Variants in VPS13D observed in about 807,000 individuals in gnomAD.
The protein encoded by VPS13D is vacuolar protein sorting 13 homolog D, also known as intermembrane lipid transfer protein VPS13D.
A neutral mutation model predicts 461.9 loss-of-function variants in VPS13D; 187 were observed. The observed-to-expected ratio is 0.40, with a 90% confidence interval of 0.36 to 0.46. VPS13D has a LOEUF of 0.46. Ranked by LOEUF, VPS13D falls within the 20% of genes least tolerant of loss-of-function variation. The pLI, the probability that VPS13D is intolerant of heterozygous loss-of-function variation, is 0.60. For synonymous variants in VPS13D, 1,951 were observed against 1,986.3 expected, an observed-to-expected ratio of 0.98 and a Z score of 0.47; for missense variants, 4,711 against 5,364.9, an observed-to-expected ratio of 0.88 and a Z score of 3.81.
chr1:12,352,965 CAAAAAAAAAAAAAA>C (rs61588046), intron 46 of VPS13D, among the ~76,000 whole-genome samples: 33 of 17,588 alleles, frequency 1.9e-3, no homozygotes, highest in East Asian at 7.0e-3. Context: ...AACTCAGTCT[CAAAAAAAAAAAAAA>C]AAAAAAAAAA....
chr1:12,354,315 T>C lies in VPS13D; in HGVS notation c.9679+94T>C. ...TTATTTGGTAAGCATCTTGGAGAAATTGGGGCACATATAATATCTCAATAA... is the reference window on the plus strand; with the variant it reads ...TTATTTGGTAAGCATCTTGGAGAAACTGGGGCACATATAATATCTCAATAA... On this transcript the variant is annotated intron_variant, in intron 47 of 69. Transcript: ENST00000620676. The C allele has an allele frequency of 2.8e-6, 4 of 1,449,658 alleles. No homozygotes were observed. The South Asian group carries it at 3.9e-5, about 14-fold the overall frequency. 89.8% of individuals were successfully genotyped at this position (1,449,658 alleles called of 1,614,324 possible). A position where few individuals can be genotyped will look rare whatever the true frequency, so the allele number is the denominator to read the frequency against.
intron 2 of VPS13D, among the ~76,000 whole-genome samples, chr1:12,237,362 G>T (rs181833022): frequency 6.8e-6 from 1 of 147,142 alleles, no homozygotes; most frequent in African/African-American, 2.5e-5. Context: ...GTATGGTGGC[G>T]CATGCCTGTG....
chr1:12,302,050 C>T (rs1413565659), intron 25 of VPS13D, among the ~76,000 whole-genome samples: 3 of 152,172 alleles, frequency 2.0e-5, no homozygotes, highest in African/African-American at 7.2e-5. Context: ...GCCTGTTGCT[C>T]CTAGAATACA....
At chr1:12,278,646 A>G (rs1463899015) in intron 19 of VPS13D, among the ~76,000 whole-genome samples, 2 of 152,106 alleles carry the variant, frequency 1.3e-5, no homozygotes, top group Non-Finnish European at 2.9e-5. Flanking sequence ...GCTTCAGTGG[A>G]TGGATGTTGT....
At chr1:12,320,345 G>A (rs1643003520) in intron 32 of VPS13D, among the ~76,000 whole-genome samples, 1 of 152,176 alleles carries the variant, frequency 6.6e-6, no homozygotes, top group African/African-American at 2.4e-5. Context: ...TCAGATGTTT[G>A]TACTTGACTC....
chr1:12,318,528 G>C (rs1642949142), intron 31 of VPS13D, among the ~76,000 whole-genome samples, 191 bp downstream of exon 31: 1 of 152,180 alleles, frequency 6.6e-6, no homozygotes, highest in Non-Finnish European at 1.5e-5. Context: ...GCCCACTGAA[G>C]ACTGCGGGGT....
In VPS13D at chr1:12,505,971, C is replaced by T. The variant is rs1049251065; in HGVS notation, c.12795-882C>T. The stretch of plus-strand genomic sequence containing the variant: ...GTTTCAGAACACTTCCAGGTGGAGC[C>T]TGGCTCTGAGCAATTCAGTTTGCCA... On this transcript the variant is annotated intron_variant, in intron 68 of 69. Transcript: ENST00000620676. This position sits in a 1 kb window ranked among gnomAD's most constrained non-coding sequence, Gnocchi z 4.2. Among the ~76,000 whole-genome samples the T allele has an allele frequency of 6.6e-6, 1 of 152,232 alleles. No individual in the cohort carries two copies. The highest frequency in any genetic ancestry group is 2.1e-4 in the South Asian group (1 of 4,832).
chr1:12,433,430 A>G (rs1051956510), intron 65 of VPS13D, among the ~76,000 whole-genome samples: 1 of 152,154 alleles, frequency 6.6e-6, no homozygotes, highest in African/African-American at 2.4e-5. Flanking sequence ...GAGCCCCGCC[A>G]CAGCTGAAGT....
chr1:12,509,007 C>G lies in VPS13D; in HGVS notation c.13150C>G (p.Leu4384Val), dbSNP rs532432015. ...MLRLSENREQ[L>V]ELDS ...AAGACTCAGCGAAAACCGAGAGCAG[C>G]TGGAGCTGGACTCCTGAAGCCCCGC... Residue 4384 changes from leucine (L) to valine (V), a missense_variant, in exon 70 of 70, where the codon CTG becomes GTG. Leu to Val is a conservative substitution (Grantham distance 32). Coordinates refer to ENST00000620676, the MANE Select transcript of VPS13D (RefSeq NM_015378.4). 12 of 1,614,168 alleles carry G rather than the reference C, an allele frequency of 7.4e-6. No homozygotes were observed. The African/African-American group carries it at 1.6e-4, about 22-fold the overall frequency.
intron 67 of VPS13D, among the ~76,000 whole-genome samples, chr1:12,471,517 T>C (rs2100451557): frequency 6.6e-6 from 1 of 152,318 alleles, no homozygotes; most frequent in East Asian, 1.9e-4. Flanking sequence ...TTTCAACACT[T>C]TGGGCTGTTT....
chr1:12,487,516 C>G (rs1287696843), intron 67 of VPS13D, among the ~76,000 whole-genome samples: 1 of 151,520 alleles, frequency 6.6e-6, no homozygotes, highest in Non-Finnish European at 1.5e-5. Flanking sequence ...GAGGCTGAGG[C>G]AGGAGAATTG....
chr1:12,276,512 T>C lies in VPS13D; in HGVS notation c.2924T>C (p.Ile975Thr). 1 of 1,614,152 alleles carries C rather than the reference T, an allele frequency of 6.2e-7. No individual in the cohort carries two copies. The highest frequency in any genetic ancestry group is 8.5e-7 in the Non-Finnish European group (1 of 1,180,020). The change falls in exon 19 of 70, where the codon ATT (isoleucine) becomes ACT (threonine). Residue 975 changes from isoleucine (I) to threonine (T), a missense_variant. Transcript: ENST00000620676. The surrounding 1 kb of genome is among the most constrained non-coding windows in gnomAD (Gnocchi z 4.5). Reference sequence around the variant, plus strand: ...GGTGTTGAGAGCAATGGCCGGTACATTTCTGTGCTCAAGGTGTTTGGTACC... The same window carrying C: ...GGTGTTGAGAGCAATGGCCGGTACACTTCTGTGCTCAAGGTGTTTGGTACC... ...QLGVESNGRY[I>T]SVLKVFGTNA...
chr1:12,242,688 G>A (rs946442124), intron 3 of VPS13D, 98 bp downstream of exon 3: 2 of 1,082,578 alleles, frequency 1.8e-6, no homozygotes, highest in African/African-American at 3.2e-5. Context: ...TGGCCAGTTA[G>A]AGGAAGGATA....
chr1:12,369,580 C>G lies in VPS13D; in HGVS notation c.10686C>G (p.Ile3562Met). The G allele has an allele frequency of 2.5e-6, 4 of 1,614,196 alleles. No homozygotes were observed. The highest frequency in any genetic ancestry group is 2.5e-6 in the Non-Finnish European group (3 of 1,180,044). Residue 3562 changes from isoleucine (I) to methionine (M), a missense_variant, in exon 54 of 70, where the codon ATC (isoleucine) becomes ATG (methionine). Physicochemically the swap from Ile to Met is conservative, Grantham distance 10. Transcript: ENST00000620676. ...ACGAACCCACCTTGCCACCTTTTAT[C>G]ACTCTGACTGTTAAAGGGGCAGGGT... is the stretch of plus-strand genomic sequence containing the variant. Reference protein sequence around the residue: ...AWDEPTLPPFITLTVKGAGSS... With the variant: ...AWDEPTLPPFMTLTVKGAGSS...
At position 12,505,565 on chromosome 1, in the gene VPS13D, G is replaced by C. The variant is rs866644538; in HGVS notation, c.12795-1288G>C. On this transcript the variant is annotated intron_variant, in intron 68 of 69. Coordinates refer to ENST00000620676, the MANE Select transcript of VPS13D (RefSeq NM_015378.4). This position sits in a 1 kb window ranked among gnomAD's most constrained non-coding sequence, Gnocchi z 4.2. ...CTGATGGGGTGGCCAACTCTGTGGG[G>C]TGCTCAGGAAGACACGGGGCTGTGA... Among the ~76,000 whole-genome samples the C allele has an allele frequency of 6.6e-6, 1 of 152,236 alleles. No homozygotes were observed. Among genetic ancestry groups the C allele is most frequent in the Non-Finnish European group, 1.5e-5 (1 of 68,042 alleles).
At chr1:12,403,649 T>C (rs1003386268) in intron 62 of VPS13D, among the ~76,000 whole-genome samples, 176 bp from the exon 63 acceptor site, 1 of 152,206 alleles carries the variant, frequency 6.6e-6, no homozygotes, top group Non-Finnish European at 1.5e-5. Flanking sequence ...GATCTACTCT[T>C]ACAAAGAATG....
At chr1:12,366,695 A>G (rs1644040137) in intron 52 of VPS13D, among the ~76,000 whole-genome samples, 1 of 152,162 alleles carries the variant, frequency 6.6e-6, no homozygotes, top group Non-Finnish European at 1.5e-5. Context: ...TATTTCATTT[A>G]CTTTCCTCAC....
intron 24 of VPS13D, 78 bp downstream of exon 24, chr1:12,293,782 T>C: frequency 4.4e-6 from 6 of 1,355,786 alleles, no homozygotes; most frequent in Non-Finnish European, 6.0e-6. Flanking sequence ...GAGATGAATC[T>C]GGAAGAGTAA....
At chr1:12,234,483 A>G in intron 2 of VPS13D, 120 bp downstream of exon 2, 1 of 675,194 alleles carries the variant, frequency 1.5e-6, no homozygotes, top group East Asian at 2.8e-5. Context: ...AAATGTATGT[A>G]AAAAGGTCCC....
Sources: allele counts gnomAD v4.1 joint callset (sites outside exome capture counted in the v4.1 genomes callset), GRCh38; gene constraint gnomAD v4.1.1; non-coding constraint Gnocchi (gnomAD v3.1); transcripts MANE v1.5; gene names NCBI Gene and HGNC (gene_info 2026-07-23, HGNC 2026-07-21).